Variants in SRPK2 observed in about 807,000 individuals in gnomAD.
SRPK2 encodes SFRS protein kinase 2.
A neutral mutation model predicts 90.8 loss-of-function variants in SRPK2; 21 were observed. That is an observed-to-expected ratio of 0.23 (90% confidence interval 0.16 to 0.33). The LOEUF (loss-of-function observed/expected upper bound fraction) is 0.33, where lower values mean the gene tolerates loss of function less well. SRPK2 is among the 10% of genes least tolerant of loss of function. The probability of loss-of-function intolerance (pLI) is 1.00; values close to 1 mark genes in which losing one functional copy is unlikely to be tolerated. For missense variants in SRPK2, 620 were observed against 869.0 expected, an observed-to-expected ratio of 0.71 and a Z score of 3.60; for synonymous variants, 288 against 311.1, an observed-to-expected ratio of 0.93 and a Z score of 0.78.
At chr7:105,148,386 C>T (rs1804986259) in intron 7 of SRPK2, among the ~76,000 whole-genome samples, 1 of 152,174 alleles carries the variant, frequency 6.6e-6, no homozygotes, top group Admixed American at 6.5e-5. Context: ...CATATTAAAA[C>T]AATCAAAAAC....
intron 2 of SRPK2, among the ~76,000 whole-genome samples, chr7:105,209,024 A>G (rs748227143): frequency 1.3e-5 from 2 of 152,200 alleles, no homozygotes; most frequent in African/African-American, 2.4e-5. Flanking sequence ...TATTTTAAAT[A>G]TCCAACACTA....
At chr7:105,327,151 A>C (rs1400599667) in intron 2 of SRPK2, among the ~76,000 whole-genome samples, 1 of 152,234 alleles carries the variant, frequency 6.6e-6, no homozygotes, top group Non-Finnish European at 1.5e-5. Context: ...TGAGGCTGCA[A>C]GCTACAGCAT....
chr7:105,393,799 C>T (rs1822245262), upstream of SRPK2, among the ~76,000 whole-genome samples: 1 of 152,090 alleles, frequency 6.6e-6, no homozygotes, highest in South Asian at 2.1e-4. Flanking sequence ...TGTGGTGGCT[C>T]TCATTTATAA....
At chr7:105,255,989 A>C (rs554973193) in intron 2 of SRPK2, among the ~76,000 whole-genome samples, 1 of 151,750 alleles carries the variant, frequency 6.6e-6, no homozygotes. Context: ...GGCTCTTCCT[A>C]TTACATACAG....
intron 7 of SRPK2, among the ~76,000 whole-genome samples, chr7:105,156,590 C>A (rs1337556947): frequency 6.6e-6 from 1 of 152,080 alleles, no homozygotes; most frequent in Admixed American, 6.6e-5. Context: ...AGCCTTGACC[C>A]CTTGGGCTCA....
At chr7:105,253,167 T>C (rs918104187) in intron 2 of SRPK2, among the ~76,000 whole-genome samples, 5 of 152,202 alleles carry the variant, frequency 3.3e-5, no homozygotes, top group African/African-American at 1.2e-4. Flanking sequence ...CTAACTATGG[T>C]ACTCCATTTC....
chr7:105,274,194 T>C (rs1585477708), intron 2 of SRPK2, among the ~76,000 whole-genome samples: 2 of 152,282 alleles, frequency 1.3e-5, no homozygotes, highest in Admixed American at 1.3e-4. Flanking sequence ...ATGTTTTATC[T>C]AAGTTCCTTC....
intron 2 of SRPK2, among the ~76,000 whole-genome samples, chr7:105,298,115 T>C (rs918050489): frequency 6.6e-6 from 1 of 152,178 alleles, no homozygotes; most frequent in African/African-American, 2.4e-5. Flanking sequence ...GTGTAACCAC[T>C]ACCACAACCA....
In SRPK2 at chr7:105,132,686, A is replaced by G. The variant is rs73717963; in HGVS notation, c.1752+105T>C. ...CCAGCCCACGGTGGATGACCCTTACAGTCAGAAAAACTGAGGTCGCATGCC... is the reference window on the plus strand; with the variant it reads ...CCAGCCCACGGTGGATGACCCTTACGGTCAGAAAAACTGAGGTCGCATGCC... On this transcript the variant is annotated intron_variant, in intron 13 of 15. Coordinates refer to ENST00000393651, the MANE Select transcript of SRPK2 (RefSeq NM_182692.3). The G allele has an allele frequency of 0.012, 10,656 of 879,794 alleles. 794 individuals are homozygous for G. In the African/African-American group the frequency reaches 0.16, roughly 13 times the overall value. 54.5% of individuals were successfully genotyped at this position (879,794 alleles called of 1,614,324 possible).
chr7:105,354,041 T>C (rs537668500), intron 2 of SRPK2, among the ~76,000 whole-genome samples: 1 of 152,312 alleles, frequency 6.6e-6, no homozygotes, highest in Non-Finnish European at 1.5e-5. Context: ...AGGACCTTCC[T>C]CTTTGCTGGC....
intron 4 of SRPK2, among the ~76,000 whole-genome samples, chr7:105,168,485 T>C (rs923386999): frequency 6.6e-6 from 1 of 152,182 alleles, no homozygotes; most frequent in African/African-American, 2.4e-5. Context: ...ATAAGGGATA[T>C]TCAACTTGTA....
At chr7:105,361,046 T>A (rs1006693210) in intron 2 of SRPK2, among the ~76,000 whole-genome samples, 1 of 152,178 alleles carries the variant, frequency 6.6e-6, no homozygotes, top group African/African-American at 2.4e-5. Context: ...ATTGTCCCTG[T>A]TTGCAGATGA....
chr7:105,176,054 A>G lies in SRPK2; in HGVS notation c.230-6789T>C, dbSNP rs190221262. On this transcript the variant is annotated intron_variant, in intron 3 of 15. Coordinates refer to ENST00000393651, the MANE Select transcript of SRPK2 (RefSeq NM_182692.3). Reference sequence around the variant, plus strand: ...AAAACTGCAGACCAATTTTCCTCATAATGTGGATACAAACGTTCCAGACAA... The same window carrying G: ...AAAACTGCAGACCAATTTTCCTCATGATGTGGATACAAACGTTCCAGACAA... 2.5e-3 allele frequency among the ~76,000 whole-genome samples: 379 copies of G among 152,336 alleles called. 3 individuals are homozygous for G. Among genetic ancestry groups the G allele is most frequent in the Admixed American group, 4.1e-3 (63 of 15,300 alleles).
chr7:105,238,468 T>A (rs1411554531), intron 2 of SRPK2, among the ~76,000 whole-genome samples: 2 of 152,028 alleles, frequency 1.3e-5, no homozygotes, highest in Non-Finnish European at 2.9e-5. Context: ...AGTCTCGAGG[T>A]CACAAGCGGC....
chr7:105,173,628 T>G (rs564518180), intron 3 of SRPK2, among the ~76,000 whole-genome samples: 1 of 152,308 alleles, frequency 6.6e-6, no homozygotes, highest in South Asian at 2.1e-4. Context: ...TAATGGCTAT[T>G]AGCAATGGAA....
intron 11 of SRPK2, among the ~76,000 whole-genome samples, chr7:105,140,974 G>A (rs1010693640): frequency 6.6e-6 from 1 of 151,568 alleles, no homozygotes; most frequent in Non-Finnish European, 1.5e-5. Flanking sequence ...AAAAAAAAAA[G>A]AAACTTCAAG....
chr7:105,396,809 A>C (rs977881687), intron 1 of SRPK2, among the ~76,000 whole-genome samples: 5 of 82,058 alleles, frequency 6.1e-5, no homozygotes, highest in Non-Finnish European at 1.2e-4. Context: ...AGAGAAAGAA[A>C]GAAAGAGAGA....
At chr7:105,183,630 G>A (rs994253524) in intron 3 of SRPK2, among the ~76,000 whole-genome samples, 2 of 152,070 alleles carry the variant, frequency 1.3e-5, no homozygotes, top group Non-Finnish European at 2.9e-5. Flanking sequence ...AGGAGTACAG[G>A]CATGTGCCAC....
At chr7:105,278,480 C>CCG (rs1473211956) in intron 2 of SRPK2, among the ~76,000 whole-genome samples, 1 of 149,962 alleles carries the variant, frequency 6.7e-6, no homozygotes, top group Non-Finnish European at 1.5e-5. Context: ...TCGAGACCAG[C>CCG]CTGGCCAACA....
Sources: allele counts gnomAD v4.1 joint callset (sites outside exome capture counted in the v4.1 genomes callset), GRCh38; gene constraint gnomAD v4.1.1; transcripts MANE v1.5; gene names NCBI Gene and HGNC (gene_info 2026-07-23, HGNC 2026-07-21).